Variants in LRPAP1 observed in about 807,000 individuals in gnomAD.
LRPAP1 encodes the protein alpha-2-macroglobulin receptor-associated protein.
A neutral mutation model predicts 39.9 loss-of-function variants in LRPAP1; 41 were observed. The observed-to-expected ratio is 1.03, with a 90% CI of 0.80 to 1.33. The LOEUF is 1.33. Among genes scored for constraint, LRPAP1 ranks in the 40% most tolerant of loss-of-function variants. The pLI is 0.00. For synonymous variants in LRPAP1, 263 were observed against 212.7 expected (o/e 1.24, Z -2.06); for missense variants, 565 against 482.3 (o/e 1.17, Z -1.61).
intron 6 of LRPAP1, chr4:3,515,849 G>A: frequency 1.9e-6 from 1 of 516,238 alleles, no homozygotes; most frequent in Non-Finnish European, 3.5e-6. Context: ...ACCATCCACA[G>A]GACCCGCACC....
At chr4:3,514,993 G>C (rs1192297933) in intron 6 of LRPAP1, 65 bp from the exon 7 acceptor site, 1 of 1,566,544 alleles carries the variant, frequency 6.4e-7, no homozygotes, top group Non-Finnish European at 8.7e-7. Flanking sequence ...TTGTGGTCCC[G>C]GGTGAACTGC....
Position 3,516,137 on chromosome 4 carries a change from G to C in LRPAP1, c.813C>G (p.Asp271Glu), listed in dbSNP as rs773539951. The part of the protein sequence containing the change: ...WDLAQSANLT[D>E]KELEAFREEL... ...TTACCCGGAACGCCTCCAGCTCCTT[G>C]TCCGTGAGGTTGGCGGACTGCGCCA... Residue 271 changes from aspartate (D) to glutamate (E), a missense_variant, in exon 6 of 8, where the codon GAC (aspartate) becomes GAG (glutamate). By Grantham distance (45) the Asp-to-Glu change is conservative. Transcript: ENST00000650182. 2 of 1,580,722 alleles carry C rather than the reference G, an allele frequency of 1.3e-6. No homozygotes were observed. The highest frequency in any genetic ancestry group is 1.7e-6 in the Non-Finnish European group (2 of 1,163,526).
chr4:3,504,915 C>A lies in LRPAP1; in HGVS notation c.*8059G>T, dbSNP rs940247670. ...TGAGCCGAGATCGCACCAACGCACT[C>A]CAGCCTGGGCGACAGAGCAAGACTC... On this transcript the variant is annotated 3_prime_UTR_variant, in exon 8 of 8. Transcript: ENST00000650182. 4.0e-5 allele frequency among the ~76,000 whole-genome samples: 6 copies of A among 151,540 alleles called. No homozygotes were observed. The highest frequency in any genetic ancestry group is 7.4e-5 in the Non-Finnish European group (5 of 67,952).
chr4:3,522,041 AC>A (rs2108692628), intron 2 of LRPAP1, among the ~76,000 whole-genome samples: 1 of 152,368 alleles, frequency 6.6e-6, no homozygotes, highest in South Asian at 2.1e-4. Context: ...ATAAATACAT[AC>A]AAAAATACAC....
Position 3,506,150 on chromosome 4 carries a change from T to C in LRPAP1, c.*6824A>G, listed in dbSNP as rs1001696921. On this transcript the variant is annotated 3_prime_UTR_variant, in exon 8 of 8. Transcript: ENST00000650182. ...CGATTTTGGCTCACTGCAAACTCTG[T>C]CTCCCAGCTTCAAGTGATTCTCGTG... is the stretch of plus-strand genomic sequence containing the variant. Among the ~76,000 whole-genome samples the C allele has an allele frequency of 1.2e-4, 18 of 152,110 alleles. No homozygotes were observed. The highest frequency in any genetic ancestry group is 1.2e-3 in the Admixed American group (18 of 15,278).
chr4:3,514,520 G>A (rs1441277381), intron 7 of LRPAP1, among the ~76,000 whole-genome samples: 1 of 152,242 alleles, frequency 6.6e-6, no homozygotes, highest in East Asian at 1.9e-4. Context: ...CGGGGCCTGC[G>A]CTCTCACCTG....
intron 6 of LRPAP1, 189 bp downstream of exon 6, chr4:3,515,927 C>T: frequency 1.6e-6 from 1 of 621,588 alleles, no homozygotes; most frequent in East Asian, 2.8e-5. Context: ...CTGGCCCCGC[C>T]CCTGAAACAC....
intron 2 of LRPAP1, among the ~76,000 whole-genome samples, chr4:3,522,413 CA>C (rs1729936631): frequency 6.6e-6 from 1 of 152,240 alleles, no homozygotes; most frequent in Admixed American, 6.5e-5. Context: ...GGTTCTTCTG[CA>C]TGGAATGGAG....
At chr4:3,531,488 C>G (rs1007521498) in intron 1 of LRPAP1, among the ~76,000 whole-genome samples, 1 of 152,186 alleles carries the variant, frequency 6.6e-6, no homozygotes, top group African/African-American at 2.4e-5. Context: ...TCAGGAACAC[C>G]TAACAAATGA....
rs1182225044 is a variant in LRPAP1 at position 3,511,504 on chromosome 4, C to CCACA, written c.*1466_*1469dup. 6.6e-6 allele frequency: 1 copy of CCACA among 152,280 alleles called. No individual in the cohort carries two copies. The highest frequency in any genetic ancestry group is 2.4e-5 in the African/African-American group (1 of 41,482). 9.4% of individuals were successfully genotyped at this position (152,280 alleles called of 1,614,324 possible). ...CAGAATCCACCCCCCGCCCCACCAGCCACACACACACAAGTCCACAAAGGA... is the reference window on the plus strand; with the variant it reads ...CAGAATCCACCCCCCGCCCCACCAGCCACACACACACACACAAGTCCACAAAGGA... On this transcript the variant is annotated 3_prime_UTR_variant, in exon 8 of 8. Coordinates refer to ENST00000650182, the MANE Select transcript of LRPAP1 (RefSeq NM_002337.4).
rs71180190 is a variant in LRPAP1, at chr4:3,504,745, CAAA to C, written c.*8226_*8228del. ...AGCCTGAGCAATTGAGATTCCATCT[CAAA>C]AAAAAAAAAAAAAAAACCAAAAAAC... is the stretch of plus-strand genomic sequence containing the variant. On this transcript the variant is annotated 3_prime_UTR_variant, in exon 8 of 8. Transcript: ENST00000650182. 4.6e-5 allele frequency among the ~76,000 whole-genome samples: 4 copies of C among 87,282 alleles called. No individual in the cohort carries two copies. Among genetic ancestry groups the C allele is most frequent in the Non-Finnish European group, 6.5e-5 (3 of 45,818 alleles). The allele number at this position is 87,282 out of a possible 152,430, so 57.3% of individuals were successfully genotyped here.
chr4:3,519,925 A>G, intron 3 of LRPAP1, 147 bp downstream of exon 3: 12 of 826,784 alleles, frequency 1.5e-5, no homozygotes, highest in Non-Finnish European at 2.0e-5. Context: ...TGACAGTGGA[A>G]TGGCTTCCTT....
At chr4:3,529,908 C>A (rs988016097) in intron 1 of LRPAP1, among the ~76,000 whole-genome samples, 7 of 152,210 alleles carry the variant, frequency 4.6e-5, no homozygotes, top group African/African-American at 1.7e-4. Context: ...AAAGAAAGGA[C>A]AAGACCGTCC....
intron 3 of LRPAP1, 31 bp from the exon 4 acceptor site, chr4:3,519,022 C>T (rs1214200933): frequency 3.9e-5 from 62 of 1,607,290 alleles, no homozygotes; most frequent in Non-Finnish European, 4.8e-5. Flanking sequence ...GGAGTGAACC[C>T]GCCGCGGGCT....
Position 3,511,574 on chromosome 4 carries a change from G to T in LRPAP1, c.*1400C>A, listed in dbSNP as rs1729515210. The T allele has an allele frequency of 2.0e-5, 3 of 152,292 alleles. No homozygotes were observed. The South Asian group carries it at 6.2e-4, about 31-fold the overall frequency. 9.4% of individuals were successfully genotyped at this position (152,292 alleles called of 1,614,324 possible). A position where few individuals can be genotyped will look rare whatever the true frequency, so the allele number is the denominator to read the frequency against. On this transcript the variant is annotated 3_prime_UTR_variant, in exon 8 of 8. Transcript: ENST00000650182. ...ACCCTGGGGCCCTTCCAACCCTGAT[G>T]CGCCAACTCCCGACATGCTGCCTCT... is the stretch of plus-strand genomic sequence containing the variant.
rs558533146 is a variant in LRPAP1, at chr4:3,505,213, G to A, written c.*7761C>T. Among the ~76,000 whole-genome samples the A allele has an allele frequency of 6.6e-6, 1 of 152,320 alleles. No homozygotes were observed. Among genetic ancestry groups the A allele is most frequent in the South Asian group, 2.1e-4 (1 of 4,826 alleles). ...CCGTGTCCTGGACAGCCCAGCTCGAGGCTGCTCTTCAGCCCCAGCCCCTGG... is the reference window on the plus strand; with the variant it reads ...CCGTGTCCTGGACAGCCCAGCTCGAAGCTGCTCTTCAGCCCCAGCCCCTGG... On this transcript the variant is annotated 3_prime_UTR_variant, in exon 8 of 8. Transcript: ENST00000650182.
At chr4:3,514,228 T>A (rs76918414) in intron 7 of LRPAP1, among the ~76,000 whole-genome samples, 1 of 152,266 alleles carries the variant, frequency 6.6e-6, no homozygotes. Flanking sequence ...AACACATGCC[T>A]GCAGTTCAAA....
chr4:3,518,175 T>G lies in LRPAP1; in HGVS notation c.610A>C (p.Ile204Leu), dbSNP rs749647759. Reference sequence around the variant, plus strand: ...ATGTCGCTCAGGTCCGAGGGGCTAATGACGTTCTCGTGGATTTCTGTAAAA... The same window carrying G: ...ATGTCGCTCAGGTCCGAGGGGCTAAGGACGTTCTCGTGGATTTCTGTAAAA... Reference protein sequence around the residue: ...SRTEEIHENVISPSDLSDIKG... With the variant: ...SRTEEIHENVLSPSDLSDIKG... The change falls in exon 5 of 8, where the codon ATT becomes CTT. Residue 204 changes from isoleucine (I) to leucine (L), a missense_variant. Physicochemically the swap from Ile to Leu is conservative, Grantham distance 5. Coordinates refer to ENST00000650182, the MANE Select transcript of LRPAP1 (RefSeq NM_002337.4). 18 of 1,611,290 alleles carry G rather than the reference T, an allele frequency of 1.1e-5. No homozygotes were observed. Among genetic ancestry groups the G allele is most frequent in the Middle Eastern group, 1.6e-4 (1 of 6,082 alleles).
chr4:3,531,373 A>C (rs1730246939), intron 1 of LRPAP1, among the ~76,000 whole-genome samples: 1 of 150,772 alleles, frequency 6.6e-6, no homozygotes, highest in Non-Finnish European at 1.5e-5. Context: ...GGAATGCTTA[A>C]AACTGGACTA....
Sources: gnomAD v4.1 joint callset for allele counts (sites outside exome capture counted in the v4.1 genomes callset) on GRCh38, gnomAD v4.1.1 for gene constraint, MANE v1.5 for transcripts, NCBI Gene and HGNC (gene_info 2026-07-23, HGNC 2026-07-21) for gene names.